The following ARID4B variants were observed in gnomAD, a reference collection of about 807,000 sequenced individuals.
ARID4B encodes AT-rich interaction domain 4B, also known as AT-rich interactive domain-containing protein 4B.
ARID4B carries 26 observed loss-of-function variants against 147.5 expected under a neutral mutation model. The ratio of observed to expected loss-of-function variants is 0.18; its 90% CI spans 0.13 to 0.24. The LOEUF (loss-of-function observed/expected upper bound fraction) is 0.24, where lower values mean the gene tolerates loss of function less well. ARID4B is among the 10% of genes least tolerant of loss of function. The pLI is 1.00. For missense variants in ARID4B, 1,179 were observed against 1,511.5 expected, an observed-to-expected ratio of 0.78 and a Z score of 3.65; for synonymous variants, 512 against 507.9, an observed-to-expected ratio of 1.01 and a Z score of -0.11.
chr1:235,279,533 G>A (rs1671535516), intron 2 of ARID4B, among the ~76,000 whole-genome samples: 1 of 152,150 alleles, frequency 6.6e-6, no homozygotes, highest in African/African-American at 2.4e-5. Flanking sequence ...ATCAGCAATT[G>A]AGATAAAATA....
Position 235,231,094 on chromosome 1 carries a change from A to G in ARID4B, c.742+19T>C. Reference sequence around the variant, plus strand: ...GCAGTTTTTACAGTACTTGTAATTTATTCCAAGATTATCCTTACCTTGCTT... The same window carrying G: ...GCAGTTTTTACAGTACTTGTAATTTGTTCCAAGATTATCCTTACCTTGCTT... On this transcript the variant is annotated intron_variant, in intron 10 of 23. Transcript: ENST00000264183. The G allele has an allele frequency of 6.6e-7, 1 of 1,522,516 alleles. No homozygotes were observed. The highest frequency in any genetic ancestry group is 8.9e-7 in the Non-Finnish European group (1 of 1,121,586). 94.3% of individuals were successfully genotyped at this position (1,522,516 alleles called of 1,614,324 possible).
Position 235,312,519 on chromosome 1 carries a change from T to TA in ARID4B, c.6+14394dup, listed in dbSNP as rs375620155. Among the ~76,000 whole-genome samples, 662 of 152,316 alleles carry TA rather than the reference T, an allele frequency of 4.3e-3. 5 individuals carry two copies. The highest frequency in any genetic ancestry group is 0.015 in the African/African-American group (633 of 41,560). On this transcript the variant is annotated intron_variant, in intron 2 of 23. Transcript: ENST00000264183. ...TTACAGAAAATCTTTATTGCTTTCA[T>TA]AATAAAAATTTCTTTAATTTTGCTA...
intron 19 of ARID4B, among the ~76,000 whole-genome samples, chr1:235,184,601 ATAAC>A (rs767052093): frequency 6.6e-5 from 10 of 152,230 alleles, no homozygotes; most frequent in Non-Finnish European, 1.3e-4. Context: ...CATAACTGAC[ATAAC>A]TAAGATTGTG....
intron 2 of ARID4B, among the ~76,000 whole-genome samples, chr1:235,271,917 C>G (rs1468708185): frequency 6.6e-6 from 1 of 151,810 alleles, no homozygotes; most frequent in African/African-American, 2.4e-5. Context: ...CCACTGCACT[C>G]CAACCTGGGC....
At chr1:235,178,496 A>G (rs969611091) in intron 20 of ARID4B, among the ~76,000 whole-genome samples, 2 of 151,982 alleles carry the variant, frequency 1.3e-5, no homozygotes, top group African/African-American at 4.8e-5. Flanking sequence ...AAAACGTCTC[A>G]TCTTCTTGGT....
At chr1:235,282,375 T>C (rs567081967) in intron 2 of ARID4B, among the ~76,000 whole-genome samples, 1 of 152,348 alleles carries the variant, frequency 6.6e-6, no homozygotes, top group Non-Finnish European at 1.5e-5. Context: ...TCACAGGATA[T>C]AATCAACGCA....
chr1:235,175,327 G>A lies in ARID4B; in HGVS notation c.3521C>T (p.Ser1174Phe). 1.2e-5 allele frequency: 20 copies of A among 1,614,092 alleles called. No homozygotes were observed. Among genetic ancestry groups the A allele is most frequent in the Non-Finnish European group, 1.7e-5 (20 of 1,179,982 alleles). The change falls in exon 22 of 24, where the codon TCC becomes TTC. Residue 1174 changes from serine (S) to phenylalanine (F), a missense_variant. Physicochemically the swap from Ser to Phe is radical, Grantham distance 155 (BLOSUM62 -2). This residue lies in a region of ARID4B where 357 missense variants were observed against 427.3 expected (regional missense o/e 0.84). Transcript: ENST00000264183. Reference protein sequence around the residue: ...ITKSQPVKSVSTGMKSHSTKS... With the variant: ...ITKSQPVKSVFTGMKSHSTKS... ...GGTACTATGAGACTTCATTCCAGTG[G>A]AAACTGATTTGACTGGCTGACTCTT...
chr1:235,256,323 C>T (rs74762606), intron 4 of ARID4B, among the ~76,000 whole-genome samples: 3,701 of 152,126 alleles, frequency 0.024, 69 homozygotes, highest in Non-Finnish European at 0.035. Flanking sequence ...ATCCTGGGAA[C>T]CCCCAGGGTC....
intron 2 of ARID4B, among the ~76,000 whole-genome samples, chr1:235,280,171 A>T (rs1233002155): frequency 6.6e-6 from 1 of 152,220 alleles, no homozygotes; most frequent in Non-Finnish European, 1.5e-5. Context: ...ACTGACAGTA[A>T]CTTCAAGTCT....
At chr1:235,295,510 C>G (rs2103225454) in intron 2 of ARID4B, among the ~76,000 whole-genome samples, 1 of 128,642 alleles carries the variant, frequency 7.8e-6, no homozygotes, top group East Asian at 2.4e-4. Flanking sequence ...AAGACTCCAT[C>G]TCAATTTAAA....
intron 16 of ARID4B, 66 bp downstream of exon 16, chr1:235,219,727 T>C: frequency 1.5e-6 from 2 of 1,307,118 alleles, no homozygotes; most frequent in East Asian, 2.4e-5. Context: ...CATAAACACA[T>C]ACAAAGAGCA....
intron 2 of ARID4B, among the ~76,000 whole-genome samples, chr1:235,301,610 A>G (rs1343614853): frequency 3.4e-5 from 5 of 147,552 alleles, no homozygotes; most frequent in African/African-American, 1.3e-4. Flanking sequence ...CAGTGGTGCA[A>G]TCTCAGCTCA....
chr1:235,309,545 G>A (rs1190635115), intron 2 of ARID4B, among the ~76,000 whole-genome samples: 1 of 149,798 alleles, frequency 6.7e-6, no homozygotes, highest in Non-Finnish European at 1.5e-5. Flanking sequence ...GTCCGGGAGG[G>A]AGGTGGGGGG....
chr1:235,188,659 A>C (rs947350798), intron 19 of ARID4B, among the ~76,000 whole-genome samples: 3 of 152,164 alleles, frequency 2.0e-5, no homozygotes, highest in Non-Finnish European at 2.9e-5. Context: ...TCTGTTCTTC[A>C]ACTAGATCCT....
intron 2 of ARID4B, among the ~76,000 whole-genome samples, chr1:235,289,055 T>C (rs892193005): frequency 6.6e-6 from 1 of 152,202 alleles, no homozygotes; most frequent in African/African-American, 2.4e-5. Context: ...GCCCCAGGAA[T>C]AAATGGCCAA....
At chr1:235,208,797 G>A (rs1001792606) in intron 17 of ARID4B, among the ~76,000 whole-genome samples, 13 of 152,048 alleles carry the variant, frequency 8.5e-5, no homozygotes, top group African/African-American at 1.7e-4. Context: ...GATTACAGGC[G>A]TGAGCCACCG....
In ARID4B at chr1:235,222,962, C is replaced by T. The variant is rs578073265; in HGVS notation, c.1065+204G>A. Among the ~76,000 whole-genome samples, 16 of 152,158 alleles carry T rather than the reference C, an allele frequency of 1.1e-4. No individual in the cohort carries two copies. In the South Asian group the frequency reaches 2.9e-3, roughly 28 times the overall value. On this transcript the variant is annotated intron_variant, in intron 13 of 23. Transcript: ENST00000264183. ...CCTCCCAAAGTGTTGGGGTTGCAGGCATGAGCCACCATGCCTGGCCTAAAA... is the reference window on the plus strand; with the variant it reads ...CCTCCCAAAGTGTTGGGGTTGCAGGTATGAGCCACCATGCCTGGCCTAAAA...
intron 17 of ARID4B, among the ~76,000 whole-genome samples, chr1:235,199,085 C>T (rs548809520): frequency 2.0e-5 from 3 of 152,066 alleles, no homozygotes; most frequent in Admixed American, 6.6e-5. Flanking sequence ...GGTGACAGAA[C>T]AAGACTCCGT....
intron 5 of ARID4B, among the ~76,000 whole-genome samples, chr1:235,253,379 C>T (rs538089836): frequency 6.8e-4 from 103 of 152,274 alleles, no homozygotes; most frequent in African/African-American, 2.4e-3. Context: ...GTCAGTAGCA[C>T]CCCCTTCCCA....
Sources: allele counts gnomAD v4.1 joint callset (sites outside exome capture counted in the v4.1 genomes callset), GRCh38; gene constraint gnomAD v4.1.1; regional missense constraint gnomAD v4.1.1; transcripts MANE v1.5; gene names NCBI Gene and HGNC (gene_info 2026-07-23, HGNC 2026-07-21).